PCNT: variants seen among roughly 807,000 people sequenced by gnomAD.
PCNT encodes the protein pericentrin.
In PCNT, 319 loss-of-function variants were observed where a neutral mutation model predicts 380.4. That is an observed-to-expected ratio of 0.84 (90% CI 0.77 to 0.92). PCNT has a LOEUF of 0.92. Ranked by LOEUF, PCNT falls within the 40% of genes least tolerant of loss-of-function variation. PCNT has a pLI of 0.00. For synonymous variants in PCNT, 1,845 were observed against 1,735.2 expected (o/e 1.06, Z -1.57); for missense variants, 4,400 against 4,255.3 (o/e 1.03, Z -0.95).
rs1018420084 is a variant in PCNT at position 46,399,802 on chromosome 21, G to T, written c.4791+6G>T. The T allele has an allele frequency of 6.2e-7, 1 of 1,613,138 alleles. No homozygotes were observed. The highest frequency in any genetic ancestry group is 1.3e-5 in the African/African-American group (1 of 74,906). On this transcript the variant is annotated splice_donor_region_variant and intron_variant, in intron 25 of 46. Coordinates refer to ENST00000359568, the MANE Select transcript of PCNT (RefSeq NM_006031.6). ...TCGTGAAAGGGCTGGAACAGGTAAA[G>T]CGTCTCCATGTTGTGGTTGGGCACG...
intron 16 of PCNT, among the ~76,000 whole-genome samples, chr21:46,384,826 C>T (rs1360035213): frequency 2.0e-5 from 3 of 149,926 alleles, no homozygotes; most frequent in Middle Eastern, 3.4e-3. Context: ...GCGGCGGAAG[C>T]GCATTCACGG....
intron 27 of PCNT, among the ~76,000 whole-genome samples, chr21:46,408,214 T>C (rs2086676048): frequency 6.6e-6 from 1 of 152,188 alleles, no homozygotes; most frequent in African/African-American, 2.4e-5. Context: ...GCACTGGAAA[T>C]TGATGCATGC....
rs201884141 is a variant in PCNT, at chr21:46,430,160, G to A, written c.7841G>A (p.Cys2614Tyr). 3 of 1,614,224 alleles carry A rather than the reference G, an allele frequency of 1.9e-6. No homozygotes were observed. The highest frequency in any genetic ancestry group is 4.5e-5 in the East Asian group (2 of 44,880). ...GTGCGAGATTTGAAGTCCGACCTCT[G>A]TGAGAGCAGGCAGAAGAGCGAACAG... is the stretch of plus-strand genomic sequence containing the variant. ...TVVRDLKSDLCESRQKSEQLS... is the reference protein window; with the variant it reads ...TVVRDLKSDLYESRQKSEQLS... Residue 2614 changes from cysteine (C) to tyrosine (Y), a missense_variant, in exon 36 of 47, where the codon TGT becomes TAT. Physicochemically the swap from Cys to Tyr is radical, Grantham distance 194 (BLOSUM62 -2). Transcript: ENST00000359568.
At chr21:46,338,734 T>C (rs1010447454) in intron 3 of PCNT, among the ~76,000 whole-genome samples, 1 of 151,638 alleles carries the variant, frequency 6.6e-6, no homozygotes, top group East Asian at 1.9e-4. Context: ...GCCTCCCGAG[T>C]AGCTGGGATT....
intron 2 of PCNT, 116 bp downstream of exon 2, chr21:46,326,705 G>A: frequency 2.6e-6 from 3 of 1,146,500 alleles, no homozygotes; most frequent in African/African-American, 1.5e-5. Flanking sequence ...AGGAAAGAGG[G>A]TGTTATTTTA....
intron 3 of PCNT, among the ~76,000 whole-genome samples, chr21:46,344,496 C>T (rs556987498): frequency 3.3e-5 from 5 of 152,364 alleles, no homozygotes; most frequent in African/African-American, 7.2e-5. Flanking sequence ...CCAGTTCCTC[C>T]GGGGGCCTTT....
rs2085823347 is a variant in PCNT, at chr21:46,386,081, G to A, written c.3464+98G>A. The A allele has an allele frequency of 4.8e-6, 7 of 1,456,548 alleles. No homozygotes were observed. In the East Asian group the frequency reaches 1.6e-4, roughly 33 times the overall value. 90.2% of individuals were successfully genotyped at this position (1,456,548 alleles called of 1,614,324 possible). A position where few individuals can be genotyped will look rare whatever the true frequency, so the allele number is the denominator to read the frequency against. On this transcript the variant is annotated intron_variant, in intron 17 of 46. Transcript: ENST00000359568. ...CCCCACGGCTCCTGGCCCCGTGGCT[G>A]CTGCCACCATGCACGCTGGCTCCTG... is the stretch of plus-strand genomic sequence containing the variant.
chr21:46,346,925 C>A lies in PCNT; in HGVS notation c.903C>A (p.His301Gln). 6.3e-7 allele frequency: 1 copy of A among 1,599,584 alleles called. No individual in the cohort carries two copies. The highest frequency in any genetic ancestry group is 2.3e-5 in the East Asian group (1 of 44,322). Residue 301 changes from histidine to glutamine, a missense_variant, in exon 5 of 47, where the codon CAC (histidine) becomes CAA (glutamine). Coordinates refer to ENST00000359568, the MANE Select transcript of PCNT (RefSeq NM_006031.6). ...CCCTGCTACAGAGCAGGCAGCAGCA[C>A]GAGCTGGAGCTCCTCAGGGAGCAGC... ...ELALLQSRQQ[H>Q]ELELLREQHA...
chr21:46,334,539 A>T lies in PCNT; in HGVS notation c.410A>T (p.Asp137Val). The T allele has an allele frequency of 6.3e-7, 1 of 1,599,912 alleles. No homozygotes were observed. Among genetic ancestry groups the T allele is most frequent in the Non-Finnish European group, 8.5e-7 (1 of 1,170,032 alleles). Residue 137 changes from aspartate (D) to valine (V), a missense_variant, in exon 3 of 47, where the codon GAC (aspartate) becomes GTC (valine). Coordinates refer to ENST00000359568, the MANE Select transcript of PCNT (RefSeq NM_006031.6). Reference protein sequence around the residue: ...PEQHGMFTVGDHPPEQRGMFT... With the variant: ...PEQHGMFTVGVHPPEQRGMFT... ...CAGCATGGGATGTTCACAGTCGGTG[A>T]CCACCCACCAGAACAGCGTGGGATG...
At chr21:46,391,069 T>C in intron 20 of PCNT, 95 bp from the exon 21 acceptor site, 1 of 1,279,180 alleles carries the variant, frequency 7.8e-7, no homozygotes, top group Non-Finnish European at 1.1e-6. Flanking sequence ...GCTCTGCTGC[T>C]CTCAGGGGCA....
chr21:46,416,596 C>T lies in PCNT; in HGVS notation c.6678C>T (p.Ser2226=). The T allele has an allele frequency of 1.2e-6, 2 of 1,603,412 alleles. No individual in the cohort carries two copies. The highest frequency in any genetic ancestry group is 2.2e-5 in the East Asian group (1 of 44,834). ...VGMLDLSSWS[S]PEVLRKDWTL... is the part of the protein sequence containing the mutation. Reference sequence around the variant, plus strand: ...TGCTGGACCTGTCTTCCTGGAGCTCCCCTGAGGTCCTCAGGAAGGACTGGA... The same window carrying T: ...TGCTGGACCTGTCTTCCTGGAGCTCTCCTGAGGTCCTCAGGAAGGACTGGA... The change falls in exon 30 of 47, where the codon TCC becomes TCT. Residue 2226 remains serine (S), a synonymous_variant. Transcript: ENST00000359568.
chr21:46,368,597 C>T (rs1463204331), intron 15 of PCNT, among the ~76,000 whole-genome samples: 2 of 152,242 alleles, frequency 1.3e-5, no homozygotes, highest in Non-Finnish European at 2.9e-5. Flanking sequence ...CACGTGTTGT[C>T]GTATCACACA....
chr21:46,393,379 C>T (rs1288366453), intron 21 of PCNT, among the ~76,000 whole-genome samples: 3 of 152,192 alleles, frequency 2.0e-5, no homozygotes, highest in Admixed American at 6.5e-5. Flanking sequence ...TTTGCCCTGG[C>T]GGTGCTGTTG....
At position 46,430,606 on chromosome 21, in the gene PCNT, G is replaced by A. The variant is rs1444133162; in HGVS notation, c.8013G>A (p.Glu2671=). 6.4e-7 allele frequency: 1 copy of A among 1,568,918 alleles called. No individual in the cohort carries two copies. The highest frequency in any genetic ancestry group is 1.9e-5 in the Admixed American group (1 of 53,516). Residue 2671 remains glutamate (E), a synonymous_variant, in exon 37 of 47, where the codon GAG becomes GAA. Transcript: ENST00000359568. ...GTGCCCTGCAGAGCCAGCTGGAGGA[G>A]GAGCAGCTGCGGCACCTGCAGAGGG... The part of the protein sequence containing the change: ...KGRALQSQLE[E]EQLRHLQRES...
intron 33 of PCNT, among the ~76,000 whole-genome samples, chr21:46,427,404 C>T (rs74752283): frequency 0.036 from 5,460 of 152,260 alleles, 147 homozygotes; most frequent in Middle Eastern, 0.082. Context: ...CTGGTGTAGG[C>T]GCCCTTCCTG....
intron 43 of PCNT, 120 bp downstream of exon 43, chr21:46,441,204 T>C (rs2053598688): frequency 1.4e-6 from 1 of 725,510 alleles, no homozygotes. Context: ...TTTTTAAAGA[T>C]GAATGGCATT....
intron 46 of PCNT, 53 bp downstream of exon 46, chr21:46,444,874 G>A: frequency 6.4e-7 from 1 of 1,551,022 alleles, no homozygotes; most frequent in Non-Finnish European, 8.9e-7. Flanking sequence ...CTGTACCCTG[G>A]AAACGTAGGG....
At chr21:46,387,688 G>A (rs1601926072) in intron 17 of PCNT, among the ~76,000 whole-genome samples, 1 of 152,222 alleles carries the variant, frequency 6.6e-6, no homozygotes, top group Non-Finnish European at 1.5e-5. Flanking sequence ...GGGCCTGCAC[G>A]ACACTGCCTC....
rs1279002638 is a variant in PCNT, at chr21:46,390,675, A to G, written c.3846A>G (p.Glu1282=). The G allele has an allele frequency of 6.2e-7, 1 of 1,614,168 alleles. No homozygotes were observed. The highest frequency in any genetic ancestry group is 8.5e-7 in the Non-Finnish European group (1 of 1,180,014). The change falls in exon 20 of 47, where the codon GAA becomes GAG. Residue 1282 remains glutamate, a synonymous_variant. Coordinates refer to ENST00000359568, the MANE Select transcript of PCNT (RefSeq NM_006031.6). ...EMALDSSRQL[E]EARQIHSRFE... Reference sequence around the variant, plus strand: ...TTGCAAATGTGTTTTAACAGCTGGAAGAAGCACGCCAAATTCATTCTCGTT... The same window carrying G: ...TTGCAAATGTGTTTTAACAGCTGGAGGAAGCACGCCAAATTCATTCTCGTT...
Sources: allele counts gnomAD v4.1 joint callset (sites outside exome capture counted in the v4.1 genomes callset), GRCh38; gene constraint gnomAD v4.1.1; transcripts MANE v1.5; gene names NCBI Gene and HGNC (gene_info 2026-07-23, HGNC 2026-07-21).